Variants in LRRC4C observed in about 807,000 individuals in gnomAD.
The protein encoded by LRRC4C is leucine-rich repeat-containing protein 4C.
A neutral mutation model predicts 33.6 loss-of-function variants in LRRC4C; 5 were observed. The observed-to-expected ratio is 0.15, with a 90% CI of 0.08 to 0.31. LRRC4C has a LOEUF of 0.31. Among genes scored for constraint, LRRC4C ranks in the 10% least tolerant of loss-of-function variants. The pLI is 1.00. For missense variants in LRRC4C, 560 were observed against 796.7 expected, an observed-to-expected ratio of 0.70 and a Z score of 3.58; for synonymous variants, 329 against 302.0, an observed-to-expected ratio of 1.09 and a Z score of -0.93.
At chr11:40,526,398 C>G (rs1407591534) in intron 3 of LRRC4C, among the ~76,000 whole-genome samples, 2 of 151,960 alleles carry the variant, frequency 1.3e-5, no homozygotes, top group Non-Finnish European at 2.9e-5. Flanking sequence ...GCCAAAATCA[C>G]CATAGATAAA....
chr11:41,033,960 G>T (rs1856879750), intron 1 of LRRC4C, among the ~76,000 whole-genome samples: 1 of 151,824 alleles, frequency 6.6e-6, no homozygotes, highest in Non-Finnish European at 1.5e-5. Flanking sequence ...AAAAATAAAA[G>T]AAAATTACCA....
chr11:40,220,305 A>G lies in LRRC4C; in HGVS notation c.-96+21214T>C, dbSNP rs184915191. On this transcript the variant is annotated intron_variant, in intron 5 of 6. Transcript: ENST00000528697. ...CCCAAAAATTGTTAACTGTCATGAA[A>G]GTTTTAGAGTTGAGCACTTCATTTG... Among the ~76,000 whole-genome samples, 336 of 152,294 alleles carry G rather than the reference A, an allele frequency of 2.2e-3. 3 individuals carry two copies. Among genetic ancestry groups the G allele is most frequent in the African/African-American group, 7.8e-3 (323 of 41,558 alleles).
At chr11:41,422,290 C>T (rs1384759162) in intron 1 of LRRC4C, among the ~76,000 whole-genome samples, 1 of 151,964 alleles carries the variant, frequency 6.6e-6, no homozygotes, top group Non-Finnish European at 1.5e-5. Flanking sequence ...TCATGATTGG[C>T]CTGAACCAAC....
intron 1 of LRRC4C, among the ~76,000 whole-genome samples, chr11:41,076,828 G>A (rs1939185922): frequency 6.6e-6 from 1 of 152,116 alleles, no homozygotes; most frequent in South Asian, 2.1e-4. Flanking sequence ...CTGAGACAAG[G>A]CAAGACCCTT....
chr11:41,382,790 A>G (rs1343923309), intron 1 of LRRC4C, among the ~76,000 whole-genome samples: 1 of 152,150 alleles, frequency 6.6e-6, no homozygotes, highest in Non-Finnish European at 1.5e-5. Flanking sequence ...GCTTTGGGCA[A>G]CATAGGTTTG....
chr11:41,151,724 A>G (rs1367061131), intron 1 of LRRC4C, among the ~76,000 whole-genome samples: 8 of 152,196 alleles, frequency 5.3e-5, no homozygotes, highest in Admixed American at 4.6e-4. Context: ...GGAGAATGTC[A>G]TACATAAGGC....
At chr11:41,234,718 G>A (rs1947943729) in intron 1 of LRRC4C, among the ~76,000 whole-genome samples, 1 of 152,006 alleles carries the variant, frequency 6.6e-6, no homozygotes, top group African/African-American at 2.4e-5. Context: ...TCAAGAATAT[G>A]AGACCATCTG....
chr11:41,236,967 G>T (rs1948052152), intron 1 of LRRC4C, among the ~76,000 whole-genome samples: 1 of 152,178 alleles, frequency 6.6e-6, no homozygotes, highest in African/African-American at 2.4e-5. Flanking sequence ...GTAAACAAGA[G>T]GCAAAGCACA....
chr11:40,264,471 G>T (rs1383359104), intron 4 of LRRC4C, among the ~76,000 whole-genome samples: 1 of 152,078 alleles, frequency 6.6e-6, no homozygotes, highest in Admixed American at 6.5e-5. Flanking sequence ...AAAAAACACA[G>T]CACAGTGAGA....
chr11:41,218,030 G>A (rs1315830885), intron 1 of LRRC4C, among the ~76,000 whole-genome samples: 1 of 151,670 alleles, frequency 6.6e-6, no homozygotes, highest in Non-Finnish European at 1.5e-5. Context: ...ATAAAATGAG[G>A]CCTACTCTCC....
At chr11:41,361,170 G>A (rs1011548868) in intron 1 of LRRC4C, among the ~76,000 whole-genome samples, 4 of 152,136 alleles carry the variant, frequency 2.6e-5, no homozygotes, top group Admixed American at 1.3e-4. Context: ...TCACGAATAC[G>A]ATGATGTCAC....
chr11:40,119,100 T>C (rs1242896575), intron 6 of LRRC4C, among the ~76,000 whole-genome samples: 6 of 152,080 alleles, frequency 3.9e-5, no homozygotes, highest in African/African-American at 1.4e-4. Flanking sequence ...AGATCCCCAG[T>C]GAGAAATAGT....
intron 1 of LRRC4C, among the ~76,000 whole-genome samples, chr11:41,373,147 A>G (rs1056803023): frequency 1.1e-4 from 16 of 152,156 alleles, no homozygotes; most frequent in Non-Finnish European, 1.0e-4. Flanking sequence ...TATTTAGGTC[A>G]TAATATAATC....
chr11:41,297,782 T>C (rs1311183243), intron 1 of LRRC4C, among the ~76,000 whole-genome samples: 1 of 152,200 alleles, frequency 6.6e-6, no homozygotes, highest in African/African-American at 2.4e-5. Flanking sequence ...AGGATCCTTT[T>C]CAATATAATG....
chr11:40,949,061 T>C (rs1397572758), intron 1 of LRRC4C, among the ~76,000 whole-genome samples: 4 of 152,158 alleles, frequency 2.6e-5, no homozygotes, highest in African/African-American at 7.2e-5. Flanking sequence ...ATTGCCATTC[T>C]AACTGGTGTG....
intron 1 of LRRC4C, among the ~76,000 whole-genome samples, chr11:41,434,487 TA>T (rs1173071543): frequency 6.6e-6 from 1 of 152,140 alleles, no homozygotes; most frequent in Non-Finnish European, 1.5e-5. Context: ...ATCTGCGAAA[TA>T]ATCTTCACAG....
intron 3 of LRRC4C, among the ~76,000 whole-genome samples, chr11:40,358,078 G>T (rs1046993420): frequency 6.6e-6 from 1 of 152,076 alleles, no homozygotes; most frequent in South Asian, 2.1e-4. Flanking sequence ...AGCTACTTGG[G>T]AGGTTGAGTC....
rs562155704 is a variant in LRRC4C, at chr11:40,598,007, A to G, written c.-270+50135T>C. On this transcript the variant is annotated intron_variant, in intron 3 of 6. Coordinates refer to ENST00000528697, the MANE Select transcript of LRRC4C (RefSeq NM_001258419.2). ...AAGCCTATTTTATTTGCTTGGATGC[A>G]TGGTTCAGAGTGCAATCTATTATTG... Among the ~76,000 whole-genome samples the G allele has an allele frequency of 2.0e-5, 3 of 152,320 alleles. No homozygotes were observed. The East Asian group carries it at 5.8e-4, about 29-fold the overall frequency.
intron 1 of LRRC4C, among the ~76,000 whole-genome samples, chr11:41,334,974 A>C (rs1412412214): frequency 1.3e-5 from 2 of 152,188 alleles, no homozygotes; most frequent in Non-Finnish European, 2.9e-5. Context: ...CAAATTTTTC[A>C]ATCTAATTCT....
Sources: allele counts gnomAD v4.1 joint callset (sites outside exome capture counted in the v4.1 genomes callset), GRCh38; gene constraint gnomAD v4.1.1; transcripts MANE v1.5; gene names NCBI Gene and HGNC (gene_info 2026-07-23, HGNC 2026-07-21).